The following PTPRD variants were observed in gnomAD, a reference collection of about 807,000 sequenced individuals.
PTPRD encodes protein tyrosine phosphatase receptor type D, also known as receptor-type tyrosine-protein phosphatase delta.
PTPRD carries 34 observed loss-of-function variants against 214.5 expected under a neutral mutation model. That is an observed-to-expected ratio of 0.16 (90% CI 0.12 to 0.21). PTPRD has a LOEUF of 0.21. Among genes scored for constraint, PTPRD ranks in the 10% least tolerant of loss-of-function variants. The pLI, the probability that PTPRD is intolerant of heterozygous loss-of-function variation, is 1.00. For synonymous variants in PTPRD, 1,128 were observed against 845.7 expected (o/e 1.33, Z -5.79); for missense variants, 2,545 against 2,398.7 (o/e 1.06, Z -1.27).
intron 3 of PTPRD, among the ~76,000 whole-genome samples, chr9:10,066,215 T>TGAATAAACAATAAACAAGTTTATCATTAC (rs1274810424): frequency 2.0e-5 from 3 of 151,876 alleles, no homozygotes; most frequent in African/African-American, 7.2e-5. Context: ...TTTATTGTTA[T>TGAATAAACAATAAACAAGTTTATCATTAC]GAATAAACAA....
chr9:8,353,932 G>A (rs1346408098), intron 39 of PTPRD, among the ~76,000 whole-genome samples: 16 of 97,632 alleles, frequency 1.6e-4, no homozygotes, highest in African/African-American at 9.8e-4. Flanking sequence ...ATATATGTGT[G>A]TGTACATATA....
At chr9:8,868,044 C>A (rs1199362822) in intron 11 of PTPRD, among the ~76,000 whole-genome samples, 3 of 152,034 alleles carry the variant, frequency 2.0e-5, no homozygotes, top group Non-Finnish European at 4.4e-5. Flanking sequence ...ATCAGGAGTC[C>A]AAATGTTTGG....
chr9:10,268,206 C>T (rs2094197423), intron 3 of PTPRD, among the ~76,000 whole-genome samples: 1 of 148,778 alleles, frequency 6.7e-6, no homozygotes. Context: ...TGGAGAATCG[C>T]TTGAACCCAG....
intron 23 of PTPRD, 44 bp downstream of exon 23, chr9:8,504,217 C>G (rs370585316): frequency 6.2e-7 from 1 of 1,606,620 alleles, no homozygotes; most frequent in Non-Finnish European, 8.5e-7. Flanking sequence ...AACATCTCCC[C>G]GAGGAAATAA....
intron 4 of PTPRD, among the ~76,000 whole-genome samples, chr9:9,984,793 C>A (rs1455272900): frequency 2.6e-5 from 4 of 152,010 alleles, no homozygotes; most frequent in Admixed American, 1.3e-4. Context: ...TCTCGGAGGC[C>A]TGGAATACCC....
chr9:8,701,772 C>G (rs567533414), intron 12 of PTPRD, among the ~76,000 whole-genome samples: 17 of 152,290 alleles, frequency 1.1e-4, no homozygotes, highest in Non-Finnish European at 2.1e-4. Context: ...CCTGAATACT[C>G]TGATGTGTTT....
intron 3 of PTPRD, among the ~76,000 whole-genome samples, chr9:10,260,203 C>G (rs1482083831): frequency 6.6e-6 from 1 of 152,142 alleles, no homozygotes; most frequent in African/African-American, 2.4e-5. Flanking sequence ...GTTTCTTAGA[C>G]CCTATATCAT....
At chr9:9,255,864 T>C (rs1196284204) in intron 9 of PTPRD, among the ~76,000 whole-genome samples, 1 of 152,168 alleles carries the variant, frequency 6.6e-6, no homozygotes, top group East Asian at 2.0e-4. Flanking sequence ...CCTGGCCCCT[T>C]GTTTGACTTC....
At chr9:8,993,589 T>C (rs2099385834) in intron 11 of PTPRD, among the ~76,000 whole-genome samples, 1 of 152,122 alleles carries the variant, frequency 6.6e-6, no homozygotes, top group Non-Finnish European at 1.5e-5. Context: ...AAAATTTTCC[T>C]AAAATTTTCA....
chr9:10,459,930 A>G (rs13297915), intron 2 of PTPRD, among the ~76,000 whole-genome samples: 15,096 of 151,900 alleles, frequency 0.099, 925 homozygotes, highest in Middle Eastern at 0.19. Flanking sequence ...ACTTTTTCCA[A>G]TTTTTTATTA....
At chr9:10,491,501 A>G (rs914767304) in intron 2 of PTPRD, among the ~76,000 whole-genome samples, 1 of 152,080 alleles carries the variant, frequency 6.6e-6, no homozygotes, top group Non-Finnish European at 1.5e-5. Flanking sequence ...TATAGATGCT[A>G]CATCATTTTT....
intron 5 of PTPRD, among the ~76,000 whole-genome samples, chr9:9,898,286 G>A (rs936719246): frequency 1.3e-5 from 2 of 152,024 alleles, no homozygotes; most frequent in Admixed American, 1.3e-4. Context: ...GGGACTGGAG[G>A]TAGTGAATTC....
intron 8 of PTPRD, among the ~76,000 whole-genome samples, chr9:9,401,731 C>T (rs902209502): frequency 1.3e-5 from 2 of 151,888 alleles, no homozygotes; most frequent in African/African-American, 4.8e-5. Context: ...GGGAGGGACC[C>T]AGTAGGAGGC....
intron 3 of PTPRD, among the ~76,000 whole-genome samples, chr9:10,184,846 G>C (rs1183792126): frequency 6.6e-6 from 1 of 152,184 alleles, no homozygotes; most frequent in Middle Eastern, 3.2e-3. Context: ...GTTTGACATA[G>C]AGAAAACTCT....
At chr9:8,357,497 A>G (rs1317393431) in intron 39 of PTPRD, among the ~76,000 whole-genome samples, 1 of 152,232 alleles carries the variant, frequency 6.6e-6, no homozygotes, top group East Asian at 1.9e-4. Flanking sequence ...TCATCAAAGA[A>G]CATATAAGCA....
rs141285772 is a variant in PTPRD at position 9,220,169 on chromosome 9, A to T, written c.-202-36806T>A. On this transcript the variant is annotated intron_variant, in intron 9 of 45. Coordinates refer to ENST00000381196, the MANE Select transcript of PTPRD (RefSeq NM_002839.4). ...AATAAATCATTGAAGGACTACCTAAACTCATGCCTGTGACATTTTTAGAGT... is the reference window on the plus strand; with the variant it reads ...AATAAATCATTGAAGGACTACCTAATCTCATGCCTGTGACATTTTTAGAGT... 1.6e-3 allele frequency among the ~76,000 whole-genome samples: 251 copies of T among 152,138 alleles called. 1 individual carries two copies. Among genetic ancestry groups the T allele is most frequent in the African/African-American group, 5.9e-3 (244 of 41,514 alleles).
At chr9:10,242,375 G>A (rs1453867926) in intron 3 of PTPRD, among the ~76,000 whole-genome samples, 1 of 151,996 alleles carries the variant, frequency 6.6e-6, no homozygotes, top group African/African-American at 2.4e-5. Flanking sequence ...GGCCAAAAGA[G>A]AGATTAGAAT....
chr9:10,263,151 A>G (rs1167073286), intron 3 of PTPRD, among the ~76,000 whole-genome samples: 1 of 152,144 alleles, frequency 6.6e-6, no homozygotes, highest in Non-Finnish European at 1.5e-5. Context: ...AGTCTCAGGT[A>G]TGTCTTTATC....
chr9:9,964,564 C>T (rs567703554), intron 4 of PTPRD, among the ~76,000 whole-genome samples: 12 of 152,108 alleles, frequency 7.9e-5, no homozygotes, highest in Admixed American at 2.0e-4. Context: ...ATCCTCTTGA[C>T]GTGGGTTAGG....
Sources: allele counts gnomAD v4.1 joint callset (sites outside exome capture counted in the v4.1 genomes callset), GRCh38; gene constraint gnomAD v4.1.1; transcripts MANE v1.5; gene names NCBI Gene and HGNC (gene_info 2026-07-23, HGNC 2026-07-21).